Variants in WLS observed in about 807,000 individuals in gnomAD.
WLS encodes the protein protein wntless homolog.
A neutral mutation model predicts 62.8 loss-of-function variants in WLS; 23 were observed. The observed-to-expected ratio is 0.37, with a 90% CI of 0.26 to 0.52. The LOEUF (loss-of-function observed/expected upper bound fraction) is 0.52, where lower values mean the gene tolerates loss of function less well. WLS is among the 20% of genes least tolerant of loss of function. The pLI is 0.92. For missense variants in WLS, 615 were observed against 697.3 expected (o/e 0.88, Z 1.33); for synonymous variants, 246 against 244.1 (o/e 1.01, Z -0.07).
At position 68,127,611 on chromosome 1, in the gene WLS, GA is replaced by G. The variant is rs141546171; in HGVS notation, c.1517-1277del. Among the ~76,000 whole-genome samples the G allele has an allele frequency of 5.7e-3, 875 of 152,342 alleles. 11 individuals are homozygous for G. Among genetic ancestry groups the G allele is most frequent in the African/African-American group, 0.02 (845 of 41,560 alleles). On this transcript the variant is annotated intron_variant, in intron 11 of 11. Transcript: ENST00000262348. ...GCACGTGTGCACACATGTTTGTGGA[GA>G]GGGGTGCTGGGGAATAGAAAGTTAA...
chr1:68,166,043 A>C (rs1461722796), intron 2 of WLS, among the ~76,000 whole-genome samples: 1 of 152,156 alleles, frequency 6.6e-6, no homozygotes, highest in Non-Finnish European at 1.5e-5. Context: ...CAAAGGAAAA[A>C]CTATTTTAAA....
intron 11 of WLS, among the ~76,000 whole-genome samples, chr1:68,113,415 T>C (rs1646253360): frequency 6.6e-6 from 1 of 152,170 alleles, no homozygotes. Context: ...CCCCAGGTAA[T>C]TACTGAGCCA....
At chr1:68,107,517 C>A (rs1263814541) in intron 11 of WLS, among the ~76,000 whole-genome samples, 2 of 152,174 alleles carry the variant, frequency 1.3e-5, no homozygotes, top group Non-Finnish European at 2.9e-5. Context: ...GCCTCAGTAT[C>A]CTCATCTGCA....
At position 68,155,270 on chromosome 1, in the gene WLS, G is replaced by C. The variant is rs930663487; in HGVS notation, c.505-10C>G. The C allele has an allele frequency of 3.1e-6, 5 of 1,606,446 alleles. No homozygotes were observed. The African/African-American group carries it at 6.7e-5, about 22-fold the overall frequency. The stretch of plus-strand genomic sequence containing the variant: ...CCTCATGCTCTGGAGTCTGGAAAAA[G>C]AGCAGAGGGTTTGAGGCAGGGTCAC... On this transcript the variant is annotated splice_polypyrimidine_tract_variant and intron_variant, in intron 3 of 11. Coordinates refer to ENST00000262348, the MANE Select transcript of WLS (RefSeq NM_024911.7).
At chr1:68,148,086 T>G (rs1646775811) in intron 8 of WLS, 50 bp downstream of exon 8, 2 of 1,596,636 alleles carry the variant, frequency 1.3e-6, no homozygotes, top group Non-Finnish European at 1.7e-6. Flanking sequence ...TCTTGGGGAC[T>G]GGGTGGCCAG....
chr1:68,144,270 A>C (rs1215118688), intron 10 of WLS, among the ~76,000 whole-genome samples: 2 of 152,244 alleles, frequency 1.3e-5, no homozygotes, highest in Admixed American at 1.3e-4. Flanking sequence ...TATGCTTGTT[A>C]GTGTTGTGCT....
At chr1:68,228,115 A>G in intron 1 of WLS, 1 of 354,854 alleles carries the variant, frequency 2.8e-6, no homozygotes, top group Non-Finnish European at 5.4e-6. Context: ...TATACATTAC[A>G]TCCTCAACAT....
At chr1:68,106,029 T>C (rs2100305215) in intron 11 of WLS, among the ~76,000 whole-genome samples, 1 of 152,210 alleles carries the variant, frequency 6.6e-6, no homozygotes, top group East Asian at 1.9e-4. Context: ...GTCACTGCAA[T>C]CAAAGTGTTA....
intron 11 of WLS, among the ~76,000 whole-genome samples, chr1:68,108,128 CT>C (rs1646172815): frequency 6.6e-6 from 1 of 152,182 alleles, no homozygotes; most frequent in Non-Finnish European, 1.5e-5. Context: ...CATTCTCTCA[CT>C]GTTCTGACAA....
chr1:68,189,450 CTAATTTA>C (rs1381994578), intron 2 of WLS, among the ~76,000 whole-genome samples: 1 of 151,882 alleles, frequency 6.6e-6, no homozygotes, highest in East Asian at 1.9e-4. Context: ...TTTACTGCAC[CTAATTTA>C]TAATTTAAAC....
chr1:68,183,122 C>T (rs1158437379), intron 2 of WLS, among the ~76,000 whole-genome samples: 2 of 152,112 alleles, frequency 1.3e-5, no homozygotes, highest in African/African-American at 4.8e-5. Flanking sequence ...GAACTCCTGA[C>T]CTCAGGTGAT....
downstream of WLS, among the ~76,000 whole-genome samples, chr1:68,123,094 C>A (rs910593991): frequency 1.3e-5 from 2 of 152,252 alleles, no homozygotes; most frequent in South Asian, 4.2e-4. Context: ...CACTTCCCTG[C>A]GGACTAAAAA....
At chr1:68,098,898 CT>C in intron 11 of WLS, 1 of 1,254,240 alleles carries the variant, frequency 8.0e-7, no homozygotes, top group South Asian at 1.8e-5. Flanking sequence ...TTGTTTAGGA[CT>C]GTGTCCTTCA....
At chr1:68,122,286 C>T (rs1487224244), downstream of WLS, among the ~76,000 whole-genome samples, 1 of 152,162 alleles carries the variant, frequency 6.6e-6, no homozygotes. Flanking sequence ...TGCTTGGACC[C>T]CAGGGGTATG....
intron 11 of WLS, among the ~76,000 whole-genome samples, chr1:68,103,238 T>C (rs11805150): frequency 0.24 from 36,017 of 152,186 alleles, 4,352 homozygotes; most frequent in Admixed American, 0.28. Context: ...AGTGGGGATA[T>C]GTTTAATCTG....
intron 1 of WLS, among the ~76,000 whole-genome samples, chr1:68,228,876 C>CAAAA (rs1294381621): frequency 1.5e-5 from 1 of 67,374 alleles, no homozygotes; most frequent in Non-Finnish European, 3.1e-5. Flanking sequence ...AAAAAGCAAG[C>CAAAA]AAAAAAATGT....
intron 9 of WLS, among the ~76,000 whole-genome samples, chr1:68,145,339 G>A (rs1447722331): frequency 6.6e-6 from 1 of 152,180 alleles, no homozygotes; most frequent in East Asian, 1.9e-4. Context: ...TTGCATTGGG[G>A]ATTTGAGGAT....
At chr1:68,195,980 G>A (rs894204700) in intron 1 of WLS, among the ~76,000 whole-genome samples, 2 of 151,788 alleles carry the variant, frequency 1.3e-5, no homozygotes, top group Non-Finnish European at 2.9e-5. Context: ...GCATGTTTCT[G>A]AACATCTGTT....
At chr1:68,127,064 TCA>T in intron 11 of WLS, 1 of 398,326 alleles carries the variant, frequency 2.5e-6, no homozygotes, top group Non-Finnish European at 4.9e-6. Flanking sequence ...GTGCAGTAAC[TCA>T]CACTTGTAAC....
Sources: allele counts gnomAD v4.1 joint callset (sites outside exome capture counted in the v4.1 genomes callset), GRCh38; gene constraint gnomAD v4.1.1; transcripts MANE v1.5; gene names NCBI Gene and HGNC (gene_info 2026-07-23, HGNC 2026-07-21).